Variants in CFAP46 observed in about 807,000 individuals in gnomAD.
CFAP46 encodes cilia and flagella associated protein 46, also known as cilia- and flagella-associated protein 46.
In CFAP46, 245 loss-of-function variants were observed where a neutral mutation model predicts 325.7. The ratio of observed to expected loss-of-function variants is 0.75; its 90% CI spans 0.68 to 0.84. The LOEUF (loss-of-function observed/expected upper bound fraction) is 0.84, where lower values mean the gene tolerates loss of function less well. CFAP46 is among the 40% of genes least tolerant of loss of function. The pLI is 0.00. For synonymous variants in CFAP46, 1,523 were observed against 1,495.9 expected, an observed-to-expected ratio of 1.02 and a Z score of -0.42; for missense variants, 3,346 against 3,543.0, an observed-to-expected ratio of 0.94 and a Z score of 1.41.
intron 10 of CFAP46, 43 bp from the exon 11 acceptor site, chr10:132,924,929 G>A (rs780206441): frequency 1.5e-4 from 205 of 1,356,304 alleles, no homozygotes; most frequent in East Asian, 2.1e-4. Flanking sequence ...TTGCTGGCTC[G>A]AGCTGCGGGG....
chr10:132,916,715 G>A (rs1849645551), intron 16 of CFAP46, 33 bp from the exon 17 acceptor site: 1 of 1,427,614 alleles, frequency 7.0e-7, no homozygotes, highest in Non-Finnish European at 9.2e-7. Context: ...GAGGGGTCAT[G>A]GGCGGAGCAC....
At chr10:132,814,804 T>G in intron 51 of CFAP46, 40 bp downstream of exon 51, 1 of 1,613,890 alleles carries the variant, frequency 6.2e-7, no homozygotes, top group Middle Eastern at 1.7e-4. Context: ...CCTCCCGCTG[T>G]GCCCACCAGC....
At chr10:132,881,664 CG>C (rs1340616863) in intron 27 of CFAP46, among the ~76,000 whole-genome samples, 2 of 73,382 alleles carry the variant, frequency 2.7e-5, no homozygotes, top group Non-Finnish European at 7.7e-5. Context: ...CCGCACCCTC[CG>C]CAGCCCTGCG....
rs1176432754 is a variant in CFAP46, at chr10:132,889,774, C to T, written c.3304+2559G>A. 2.6e-5 allele frequency among the ~76,000 whole-genome samples: 4 copies of T among 152,158 alleles called. No individual in the cohort carries two copies. Among genetic ancestry groups the T allele is most frequent in the Non-Finnish European group, 5.9e-5 (4 of 68,032 alleles). On this transcript the variant is annotated intron_variant, in intron 25 of 57. Coordinates refer to ENST00000368586, the MANE Select transcript of CFAP46 (RefSeq NM_001200049.3). The surrounding 1 kb of genome is among the most constrained non-coding windows in gnomAD (Gnocchi z 6.0). ...ATGGTGCCTCCGGGTGGGTGAGGGC[C>T]GTGGACTGTGCATGAGGAGGAATGT...
Position 132,851,105 on chromosome 10 carries a change from C to G in CFAP46, c.5763+12G>C. The G allele has an allele frequency of 6.2e-7, 1 of 1,613,372 alleles. No homozygotes were observed. The highest frequency in any genetic ancestry group is 8.5e-7 in the Non-Finnish European group (1 of 1,179,902). The stretch of plus-strand genomic sequence containing the variant: ...GCTCCCTCCACCGGGAATCTGTGAC[C>G]CCAGCAATTACCAGGCCGACGGAAG... On this transcript the variant is annotated intron_variant, in intron 40 of 57. Coordinates refer to ENST00000368586, the MANE Select transcript of CFAP46 (RefSeq NM_001200049.3).
intron 33 of CFAP46, among the ~76,000 whole-genome samples, chr10:132,867,934 C>A (rs1848841038): frequency 6.6e-6 from 1 of 152,246 alleles, no homozygotes; most frequent in South Asian, 2.1e-4. Flanking sequence ...GCTGCTCCAC[C>A]TGGCCCCGGC....
intron 50 of CFAP46, among the ~76,000 whole-genome samples, chr10:132,816,828 G>A (rs1339172127): frequency 6.6e-6 from 1 of 152,160 alleles, no homozygotes; most frequent in Non-Finnish European, 1.5e-5. Flanking sequence ...ATTTTCAAGT[G>A]CGCGAGGATG....
rs903072198 is a variant in CFAP46, at chr10:132,939,653, A to G, written c.372-900T>C. ...GGACTCATCCTGTTTCCAGGTTTTC[A>G]GGAGAGGAGCGGAGGTGCGGGGTGT... On this transcript the variant is annotated intron_variant, in intron 4 of 57. Coordinates refer to ENST00000368586, the MANE Select transcript of CFAP46 (RefSeq NM_001200049.3). This position sits in a 1 kb window ranked among gnomAD's most constrained non-coding sequence, Gnocchi z 4.6. Among the ~76,000 whole-genome samples, 2 of 152,252 alleles carry G rather than the reference A, an allele frequency of 1.3e-5. No individual in the cohort carries two copies. Among genetic ancestry groups the G allele is most frequent in the Non-Finnish European group, 2.9e-5 (2 of 68,006 alleles).
At chr10:132,824,081 ACT>A (rs1323983898) in intron 50 of CFAP46, among the ~76,000 whole-genome samples, 6 of 80,384 alleles carry the variant, frequency 7.5e-5, no homozygotes, top group Admixed American at 5.1e-4. Flanking sequence ...TGATGTGTGC[ACT>A]GTGTGCTGTG....
intron 8 of CFAP46, among the ~76,000 whole-genome samples, chr10:132,932,341 ATTCCCCACATAGAGCCTGGGCTTTCCTC>A (rs1849924068): frequency 1.9e-5 from 2 of 108,006 alleles, no homozygotes; most frequent in Admixed American, 9.4e-5. Context: ...GCCTCCCCAC[ATTCCCCACATAGAGCCTGGGCTTTCCTC>A]CTCCCCACGC....
At position 132,832,398 on chromosome 10, in the gene CFAP46, C is replaced by CCGCCCG. The variant is rs1554876285; in HGVS notation, c.7117+959_7117+960insCGGGCG. Among the ~76,000 whole-genome samples, 2 of 133,006 alleles carry CCGCCCG rather than the reference C, an allele frequency of 1.5e-5. No homozygotes were observed. The highest frequency in any genetic ancestry group is 4.7e-4 in the East Asian group (2 of 4,258). The allele number at this position is 133,006 out of a possible 152,430, so 87.3% of individuals were successfully genotyped here. Reference sequence around the variant, plus strand: ...CCCTGGGCTCTTCCTGCCCCCCCCCCCCAATGCTGTGGCCTGGAAATTCCC... The same window carrying CCGCCCG: ...CCCTGGGCTCTTCCTGCCCCCCCCCCCGCCCGCCAATGCTGTGGCCTGGAAATTCCC... On this transcript the variant is annotated intron_variant, in intron 50 of 57. Coordinates refer to ENST00000368586, the MANE Select transcript of CFAP46 (RefSeq NM_001200049.3). This position sits in a 1 kb window ranked among gnomAD's most constrained non-coding sequence, Gnocchi z 4.1.
intron 22 of CFAP46, among the ~76,000 whole-genome samples, chr10:132,901,063 G>A (rs1288994990): frequency 1.3e-5 from 2 of 152,222 alleles, no homozygotes; most frequent in East Asian, 3.8e-4. Context: ...CACTTGCAGA[G>A]TGCCTCTCTC....
intron 22 of CFAP46, among the ~76,000 whole-genome samples, chr10:132,902,889 T>C (rs1197238923): frequency 6.6e-6 from 1 of 152,124 alleles, no homozygotes; most frequent in Admixed American, 6.5e-5. Context: ...AAGGTGTGTC[T>C]TTCTGAATGC....
chr10:132,909,789 G>A, intron 20 of CFAP46, 130 bp downstream of exon 20: 1 of 853,516 alleles, frequency 1.2e-6, no homozygotes, highest in Non-Finnish European at 1.7e-6. Flanking sequence ...GGAAAAGGGA[G>A]TGCCCAGGCC....
At chr10:132,903,750 T>C (rs1482215192) in intron 22 of CFAP46, among the ~76,000 whole-genome samples, 1 of 152,178 alleles carries the variant, frequency 6.6e-6, no homozygotes, top group Non-Finnish European at 1.5e-5. Context: ...TAAATATAAA[T>C]ATATTACACA....
At chr10:132,923,688 G>A (rs576112082) in intron 11 of CFAP46, among the ~76,000 whole-genome samples, 28 of 152,296 alleles carry the variant, frequency 1.8e-4, no homozygotes, top group South Asian at 2.1e-4. Context: ...CAGCTGAGCC[G>A]GGATCCAGGG....
intron 25 of CFAP46, among the ~76,000 whole-genome samples, chr10:132,887,867 CCCT>C (rs1298358624): frequency 1.9e-5 from 2 of 104,930 alleles, no homozygotes; most frequent in East Asian, 5.8e-4. Context: ...TCTCTCCTCT[CCCT>C]TCTTCTCTCT....
rs117761542 is a variant in CFAP46, at chr10:132,916,507, C to T, written c.2120+42G>A. On this transcript the variant is annotated intron_variant, in intron 17 of 57. Coordinates refer to ENST00000368586, the MANE Select transcript of CFAP46 (RefSeq NM_001200049.3). Reference sequence around the variant, plus strand: ...TGAGTGCAGGGGACACTCTGACCCACGGCCCCGGGCGGTGCTCAAGGCCAC... The same window carrying T: ...TGAGTGCAGGGGACACTCTGACCCATGGCCCCGGGCGGTGCTCAAGGCCAC... 1.8e-3 allele frequency: 2,700 copies of T among 1,526,906 alleles called. 10 individuals are homozygous for T. The highest frequency in any genetic ancestry group is 2.2e-3 in the Non-Finnish European group (2,549 of 1,134,754). The allele number at this position is 1,526,906 out of a possible 1,614,324, so 94.6% of individuals were successfully genotyped here. A position where few individuals can be genotyped will look rare whatever the true frequency, so the allele number is the denominator to read the frequency against.
chr10:132,826,953 G>A lies in CFAP46; in HGVS notation c.7117+6405C>T, dbSNP rs551215615. Among the ~76,000 whole-genome samples the A allele has an allele frequency of 7.0e-4, 107 of 152,328 alleles. 1 individual carries two copies. Among genetic ancestry groups the A allele is most frequent in the African/African-American group, 2.2e-3 (92 of 41,568 alleles). ...GGCTGGGGAAGCAGGAGTGGCTCTC[G>A]GGTGGGTGCAGGTGCTGCCTCCTGC... On this transcript the variant is annotated intron_variant, in intron 50 of 57. Transcript: ENST00000368586.
Sources: gnomAD v4.1 joint callset for allele counts (sites outside exome capture counted in the v4.1 genomes callset) on GRCh38, gnomAD v4.1.1 for gene constraint, Gnocchi (gnomAD v3.1) non-coding constraint, MANE v1.5 for transcripts, NCBI Gene and HGNC (gene_info 2026-07-23, HGNC 2026-07-21) for gene names.